The following ADAMTS14 variants were observed in gnomAD, a reference collection of about 807,000 sequenced individuals.
ADAMTS14 encodes the protein ADAM metallopeptidase with thrombospondin type 1 motif 14.
A neutral mutation model predicts 128.6 loss-of-function variants in ADAMTS14; 100 were observed. The observed-to-expected ratio is 0.78, with a 90% CI of 0.66 to 0.92. The LOEUF is 0.92. ADAMTS14 is among the 40% of genes least tolerant of loss of function. The pLI is 0.00. For synonymous variants in ADAMTS14, 665 were observed against 653.8 expected, an observed-to-expected ratio of 1.02 and a Z score of -0.26; for missense variants, 1,562 against 1,658.6, an observed-to-expected ratio of 0.94 and a Z score of 1.01.
chr10:70,734,422 G>A (rs558670015), intron 8 of ADAMTS14, among the ~76,000 whole-genome samples: 4 of 152,230 alleles, frequency 2.6e-5, no homozygotes, highest in Admixed American at 6.5e-5. Flanking sequence ...GGCTCCTAAC[G>A]ACCCCTTTGA....
chr10:70,739,007 A>C lies in ADAMTS14; in HGVS notation c.1748+17A>C. 1.7e-6 allele frequency: 2 copies of C among 1,197,674 alleles called. No individual in the cohort carries two copies. The highest frequency in any genetic ancestry group is 2.3e-6 in the Non-Finnish European group (2 of 869,204). The allele number at this position is 1,197,674 out of a possible 1,614,324, so 74.2% of individuals were successfully genotyped here. ...CAACCCCTCGTGAGTGTGCTTGGCTAGGGTGGGGAGGGCAGGGAGTCCCTC... is the reference window on the plus strand; with the variant it reads ...CAACCCCTCGTGAGTGTGCTTGGCTCGGGTGGGGAGGGCAGGGAGTCCCTC... On this transcript the variant is annotated intron_variant, in intron 11 of 21. Coordinates refer to ENST00000373207, the MANE Select transcript of ADAMTS14 (RefSeq NM_080722.4).
chr10:70,743,510 G>T (rs750574063), intron 12 of ADAMTS14, 38 bp from the exon 13 acceptor site: 1 of 1,597,816 alleles, frequency 6.3e-7, no homozygotes, highest in Admixed American at 1.8e-5. Flanking sequence ...CTTTCTCTGA[G>T]CCCAGCTGGG....
intron 4 of ADAMTS14, among the ~76,000 whole-genome samples, chr10:70,715,483 C>T (rs1841009763): frequency 6.6e-6 from 1 of 151,998 alleles, no homozygotes; most frequent in Non-Finnish European, 1.5e-5. Context: ...GGTCTGAGCC[C>T]CTGATAAGGG....
Position 70,745,304 on chromosome 10 carries a change from T to C in ADAMTS14, c.2261T>C (p.Ile754Thr), listed in dbSNP as rs141172888. The change falls in exon 15 of 22, where the codon ATT becomes ACT. Residue 754 changes from isoleucine (I) to threonine (T), a missense_variant and splice_region_variant. Transcript: ENST00000373207. ...GCACTGGAGAAGTCCCCCCACCGCA[T>C]TGGTGAGTGCTGGGGTGCTGGGAGG... ...IEALEKSPHRIVVKNQVTGSF... is the reference protein window; with the variant it reads ...IEALEKSPHRTVVKNQVTGSF... The C allele has an allele frequency of 6.4e-5, 103 of 1,612,298 alleles. No homozygotes were observed. In the African/African-American group the frequency reaches 1.1e-3, roughly 17 times the overall value.
In ADAMTS14 at chr10:70,708,660, G is replaced by A. The variant is rs781548113; in HGVS notation, c.752G>A (p.Arg251Gln). 18 of 1,613,704 alleles carry A rather than the reference G, an allele frequency of 1.1e-5. No individual in the cohort carries two copies. The Admixed American group carries it at 1.2e-4, about 10-fold the overall frequency. ...GDQLGDTERK[R>Q]RHAKPGSYSI... is the part of the protein sequence containing the mutation. ...CAGCTGGGCGACACAGAGCGGAAGCGGCGGCATGCCAAGCCAGGCAGCTAC... is the reference window on the plus strand; with the variant it reads ...CAGCTGGGCGACACAGAGCGGAAGCAGCGGCATGCCAAGCCAGGCAGCTAC... The change falls in exon 4 of 22, where the codon CGG (arginine) becomes CAG (glutamine). Residue 251 changes from arginine (R) to glutamine (Q), a missense_variant. Transcript: ENST00000373207.
At chr10:70,755,505 A>G (rs982242345) in intron 19 of ADAMTS14, among the ~76,000 whole-genome samples, 4 of 151,968 alleles carry the variant, frequency 2.6e-5, no homozygotes, top group African/African-American at 9.7e-5. Context: ...TAATGATTGT[A>G]CAACAATGGG....
intron 4 of ADAMTS14, among the ~76,000 whole-genome samples, chr10:70,711,661 G>A (rs924000326): frequency 7.3e-4 from 111 of 152,350 alleles, no homozygotes; most frequent in Non-Finnish European, 1.8e-4. Context: ...GCGTGTATAA[G>A]TTGTTCCTCG....
chr10:70,688,993 C>G (rs1438581229), intron 2 of ADAMTS14, among the ~76,000 whole-genome samples: 8 of 142,778 alleles, frequency 5.6e-5, no homozygotes, highest in African/African-American at 2.0e-4. Context: ...CACTCCCGTC[C>G]CCCAGGCAGA....
At position 70,689,250 on chromosome 10, in the gene ADAMTS14, A is replaced by T. The variant is rs146377015; in HGVS notation, c.523-13062A>T. ...CTCACAAGGGTGGTATACCCAAGGGAGTTTGTTTTAAGGCCTGACCCGAAG... is the reference window on the plus strand; with the variant it reads ...CTCACAAGGGTGGTATACCCAAGGGTGTTTGTTTTAAGGCCTGACCCGAAG... On this transcript the variant is annotated intron_variant, in intron 2 of 21. Coordinates refer to ENST00000373207, the MANE Select transcript of ADAMTS14 (RefSeq NM_080722.4). 1.3e-3 allele frequency among the ~76,000 whole-genome samples: 191 copies of T among 144,680 alleles called. 37 individuals are homozygous for T. Among genetic ancestry groups the T allele is most frequent in the Non-Finnish European group, 2.3e-3 (148 of 63,148 alleles). The allele number at this position is 144,680 out of a possible 152,430, so 94.9% of individuals were successfully genotyped here. A position where few individuals can be genotyped will look rare whatever the true frequency, so the allele number is the denominator to read the frequency against.
intron 15 of ADAMTS14, among the ~76,000 whole-genome samples, chr10:70,748,804 C>T (rs972605496): frequency 6.6e-6 from 1 of 152,182 alleles, no homozygotes; most frequent in Non-Finnish European, 1.5e-5. Context: ...CTCTGTGGGC[C>T]CTTCCACCTG....
intron 1 of ADAMTS14, among the ~76,000 whole-genome samples, chr10:70,673,145 G>A (rs1839532462): frequency 6.6e-6 from 1 of 152,190 alleles, no homozygotes; most frequent in Non-Finnish European, 1.5e-5. Flanking sequence ...CAGCGCATCT[G>A]TCTCTTTGTC....
At chr10:70,713,735 G>T (rs138355031) in intron 4 of ADAMTS14, among the ~76,000 whole-genome samples, 2 of 152,208 alleles carry the variant, frequency 1.3e-5, no homozygotes, top group Non-Finnish European at 2.9e-5. Context: ...ACAGCTTGCC[G>T]CTGTGTATGG....
chr10:70,738,601 AGGGCCTTGTATACT>A (rs1410552690), intron 10 of ADAMTS14, among the ~76,000 whole-genome samples: 1 of 152,152 alleles, frequency 6.6e-6, no homozygotes, highest in Non-Finnish European at 1.5e-5. Context: ...CCATTTCTGG[AGGGCCTTGTATACT>A]GGGTATGATC....
In ADAMTS14 at chr10:70,678,596, G is replaced by A. The variant is rs374721466; in HGVS notation, c.522+3601G>A. Among the ~76,000 whole-genome samples the A allele has an allele frequency of 2.0e-4, 31 of 152,058 alleles. No homozygotes were observed. In the South Asian group the frequency reaches 5.4e-3, roughly 27 times the overall value. The stretch of plus-strand genomic sequence containing the variant: ...GGGGAGTGGACCCTAGAAGACACGC[G>A]GGGCAGGGGGGCTTGGTCTGACCTT... On this transcript the variant is annotated intron_variant, in intron 2 of 21. Transcript: ENST00000373207.
intron 5 of ADAMTS14, among the ~76,000 whole-genome samples, chr10:70,729,831 C>A (rs777486650): frequency 6.6e-5 from 10 of 152,238 alleles, no homozygotes; most frequent in Non-Finnish European, 1.3e-4. Context: ...ACAGCACCTG[C>A]CTTGCAGGTT....
At chr10:70,750,020 C>T (rs768088079) in intron 16 of ADAMTS14, 35 bp downstream of exon 16, 4 of 1,606,236 alleles carry the variant, frequency 2.5e-6, no homozygotes, top group Non-Finnish European at 3.4e-6. Context: ...AACCCCTGCC[C>T]ACCCCACTTG....
At chr10:70,709,865 G>A (rs1376080304) in intron 4 of ADAMTS14, among the ~76,000 whole-genome samples, 1 of 152,200 alleles carries the variant, frequency 6.6e-6, no homozygotes, top group Non-Finnish European at 1.5e-5. Context: ...ATACACTATA[G>A]GCCACAGGTG....
At chr10:70,757,363 G>T (rs1335567795) in intron 19 of ADAMTS14, among the ~76,000 whole-genome samples, 1 of 152,146 alleles carries the variant, frequency 6.6e-6, no homozygotes, top group Non-Finnish European at 1.5e-5. Flanking sequence ...GGTAAATCAA[G>T]TCACAAGATT....
At chr10:70,696,930 A>G (rs550132295) in intron 2 of ADAMTS14, among the ~76,000 whole-genome samples, 1 of 152,126 alleles carries the variant, frequency 6.6e-6, no homozygotes, top group African/African-American at 2.4e-5. Flanking sequence ...CCTTGTGTGT[A>G]TCACCCCAGC....
Sources: gnomAD v4.1 joint callset for allele counts (sites outside exome capture counted in the v4.1 genomes callset) on GRCh38, gnomAD v4.1.1 for gene constraint, MANE v1.5 for transcripts, NCBI Gene and HGNC (gene_info 2026-07-23, HGNC 2026-07-21) for gene names.